Variants in ACSBG2 observed in about 807,000 individuals in gnomAD.
ACSBG2 encodes the protein long-chain-fatty-acid--CoA ligase ACSBG2.
A neutral mutation model predicts 74.7 loss-of-function variants in ACSBG2; 62 were observed. The ratio of observed to expected loss-of-function variants is 0.83; its 90% CI spans 0.68 to 1.03. The LOEUF (loss-of-function observed/expected upper bound fraction) is 1.03, where lower values mean the gene tolerates loss of function less well. Among genes scored for constraint, ACSBG2 ranks in the 50% least tolerant of loss-of-function variants. The pLI, the probability that ACSBG2 is intolerant of heterozygous loss-of-function variation, is 0.00. For synonymous variants in ACSBG2, 309 were observed against 294.1 expected (o/e 1.05, Z -0.52); for missense variants, 730 against 817.6 (o/e 0.89, Z 1.31).
At chr19:6,149,021 C>T (rs2089141677) in intron 3 of ACSBG2, among the ~76,000 whole-genome samples, 1 of 152,028 alleles carries the variant, frequency 6.6e-6, no homozygotes, top group South Asian at 2.1e-4. Flanking sequence ...GCAGGAGAAT[C>T]GCTTGAACCC....
At chr19:6,155,349 A>T (rs868359713) in intron 4 of ACSBG2, among the ~76,000 whole-genome samples, 8 of 152,236 alleles carry the variant, frequency 5.3e-5, no homozygotes, top group Non-Finnish European at 2.9e-5. Context: ...AAGCTTCTAG[A>T]AAAAGAAAAG....
intron 7 of ACSBG2, among the ~76,000 whole-genome samples, chr19:6,168,721 T>G (rs762038561): frequency 1.4e-4 from 21 of 152,220 alleles, no homozygotes; most frequent in Non-Finnish European, 2.1e-4. Flanking sequence ...GCCCACTTTT[T>G]AAAGGGGCTG....
chr19:6,181,569 T>C (rs1600119102), intron 8 of ACSBG2, among the ~76,000 whole-genome samples: 1 of 152,266 alleles, frequency 6.6e-6, no homozygotes, highest in East Asian at 1.9e-4. Context: ...TGGATGAAGT[T>C]TGATTTATCT....
chr19:6,166,672 G>A (rs1447186203), intron 7 of ACSBG2, among the ~76,000 whole-genome samples: 1 of 151,466 alleles, frequency 6.6e-6, no homozygotes, highest in Non-Finnish European at 1.5e-5. Flanking sequence ...GACCGAGTCT[G>A]GCTCTGTGCC....
chr19:6,187,893 A>G (rs969590034), intron 13 of ACSBG2, 48 bp downstream of exon 13: 1 of 1,598,254 alleles, frequency 6.3e-7, no homozygotes. Context: ...AGCATCTGGG[A>G]CTGTGTGGGC....
chr19:6,184,381 T>G (rs1375981196), intron 10 of ACSBG2, among the ~76,000 whole-genome samples: 1 of 152,066 alleles, frequency 6.6e-6, no homozygotes, highest in African/African-American at 2.4e-5. Flanking sequence ...GCTTCTGGAT[T>G]TTTCTATATA....
chr19:6,167,176 C>A (rs920473510), intron 7 of ACSBG2, among the ~76,000 whole-genome samples: 1 of 152,200 alleles, frequency 6.6e-6, no homozygotes, highest in African/African-American at 2.4e-5. Flanking sequence ...TCCCTGCCCC[C>A]CCTCAGCCTA....
At chr19:6,165,375 C>T (rs932345581) in intron 6 of ACSBG2, among the ~76,000 whole-genome samples, 5 of 152,198 alleles carry the variant, frequency 3.3e-5, no homozygotes, top group African/African-American at 7.2e-5. Context: ...GATCCAATCA[C>T]CATAACCCAG....
At chr19:6,189,608 T>G (rs2090503901) in intron 13 of ACSBG2, 1 of 152,292 alleles carries the variant, frequency 6.6e-6, no homozygotes, top group Non-Finnish European at 1.5e-5. Context: ...AGCTTGCTGC[T>G]GCAGCCTTGA....
rs1331837953 is a variant in ACSBG2, at chr19:6,183,199, G to C, written c.1249G>C (p.Gly417Arg). 5.0e-6 allele frequency: 8 copies of C among 1,614,182 alleles called. No homozygotes were observed. Among genetic ancestry groups the C allele is most frequent in the Non-Finnish European group, 6.8e-6 (8 of 1,180,028 alleles). ...EFFLSLDIPI[G>R]ELYGLSESSG... ...CTTTCTAAGCTTGGACATACCTATA[G>C]GCGAGTTGTATGGGTTGAGTGAGAG... Residue 417 changes from glycine (G) to arginine (R), a missense_variant, in exon 10 of 15, where the codon GGC (glycine) becomes CGC (arginine). Physicochemically the swap from Gly to Arg is moderately radical, Grantham distance 125 (BLOSUM62 -2). Coordinates refer to ENST00000588485, the MANE Select transcript of ACSBG2 (RefSeq NM_030924.5).
chr19:6,178,647 T>G (rs1250210931), intron 8 of ACSBG2, among the ~76,000 whole-genome samples: 1 of 152,194 alleles, frequency 6.6e-6, no homozygotes, highest in African/African-American at 2.4e-5. Flanking sequence ...AGTGCTGGGA[T>G]TACAGGCATG....
At chr19:6,186,782 G>C (rs1387853263) in intron 11 of ACSBG2, among the ~76,000 whole-genome samples, 1 of 151,956 alleles carries the variant, frequency 6.6e-6, no homozygotes, top group Non-Finnish European at 1.5e-5. Flanking sequence ...ATGACTCACT[G>C]TGGCCTCAAC....
intron 14 of ACSBG2, chr19:6,192,157 T>C (rs2090584041): frequency 6.6e-6 from 1 of 152,008 alleles, no homozygotes; most frequent in Admixed American, 6.6e-5. Context: ...GATGATATTT[T>C]GGAATACCGG....
chr19:6,187,015 T>C (rs1191785885), intron 11 of ACSBG2, among the ~76,000 whole-genome samples: 2 of 151,248 alleles, frequency 1.3e-5, no homozygotes, highest in Non-Finnish European at 2.9e-5. Flanking sequence ...TTTTTTTTTT[T>C]TTTTTTGAGA....
rs1368392508 is a variant in ACSBG2, at chr19:6,174,484, C to G, written c.739-2745C>G. Among the ~76,000 whole-genome samples the G allele has an allele frequency of 6.6e-6, 1 of 152,156 alleles. No individual in the cohort carries two copies. On this transcript the variant is annotated intron_variant, in intron 7 of 14. Transcript: ENST00000588485. The surrounding 1 kb of genome is among the most constrained non-coding windows in gnomAD (Gnocchi z 4.2). ...ATAAAATGCTTAGAACAATGCCTGG[C>G]ATACAGGAAGCCATGTCAAGGATAG...
chr19:6,149,164 C>G (rs937017500), intron 3 of ACSBG2, among the ~76,000 whole-genome samples: 18 of 152,178 alleles, frequency 1.2e-4, no homozygotes, highest in Middle Eastern at 3.4e-3. Context: ...TAAAAACAAA[C>G]AAAACTACTT....
In ACSBG2 at chr19:6,174,571, G is replaced by C. The variant is rs956404838; in HGVS notation, c.739-2658G>C. Among the ~76,000 whole-genome samples the C allele has an allele frequency of 6.6e-6, 1 of 152,216 alleles. No homozygotes were observed. The highest frequency in any genetic ancestry group is 2.4e-5 in the African/African-American group (1 of 41,454). On this transcript the variant is annotated intron_variant, in intron 7 of 14. Transcript: ENST00000588485. The surrounding 1 kb of genome is among the most constrained non-coding windows in gnomAD (Gnocchi z 4.2). ...TGTATGTAATCCCAGCACTTTGGGA[G>C]GCCGAGACAGGAGGATTGCTTGAAG... is the stretch of plus-strand genomic sequence containing the variant.
chr19:6,190,332 C>T (rs750220869), intron 13 of ACSBG2: 3 of 445,800 alleles, frequency 6.7e-6, no homozygotes, highest in Non-Finnish European at 1.3e-5. Flanking sequence ...ATTGGGTGCA[C>T]AGTCCACATC....
chr19:6,143,716 G>GCT (rs554392622), intron 2 of ACSBG2, among the ~76,000 whole-genome samples: 2 of 152,152 alleles, frequency 1.3e-5, no homozygotes, highest in Non-Finnish European at 2.9e-5. Context: ...GTTCCTAGAT[G>GCT]CTCTTCTCCT....
Sources: allele counts gnomAD v4.1 joint callset (sites outside exome capture counted in the v4.1 genomes callset), GRCh38; gene constraint gnomAD v4.1.1; non-coding constraint Gnocchi (gnomAD v3.1); transcripts MANE v1.5; gene names NCBI Gene and HGNC (gene_info 2026-07-23, HGNC 2026-07-21).